Variants in IL4 observed in about 807,000 individuals in gnomAD.
The protein encoded by IL4 is interleukin 4, also known as interleukin-4.
Under a neutral mutation model 17.4 loss-of-function variants are expected in IL4, and 10 were observed. The observed-to-expected ratio is 0.57, with a 90% CI of 0.35 to 0.97. The LOEUF (loss-of-function observed/expected upper bound fraction) is 0.97. Among genes scored for constraint, IL4 ranks in the 50% least tolerant of loss-of-function variants. The probability of loss-of-function intolerance (pLI) is 0.01; values close to 1 mark genes in which losing one functional copy is unlikely to be tolerated. For synonymous variants in IL4, 87 were observed against 79.0 expected, an observed-to-expected ratio of 1.10 and a Z score of -0.54; for missense variants, 174 against 187.7, an observed-to-expected ratio of 0.93 and a Z score of 0.43.
rs770646815 is a variant in IL4 at position 132,674,133 on chromosome 5, A to C, written c.83A>C (p.Asp28Ala). The C allele has an allele frequency of 1.2e-6, 2 of 1,614,166 alleles. No individual in the cohort carries two copies. The highest frequency in any genetic ancestry group is 1.7e-6 in the Non-Finnish European group (2 of 1,180,004). Residue 28 changes from aspartate to alanine, a missense_variant, in exon 1 of 4, where the codon GAT becomes GCT. Transcript: ENST00000231449. ...AGNFVHGHKC[D>A]ITLQEIIKTL... ...AACTTTGTCCACGGACACAAGTGCG[A>C]TATCACCTTACAGGAGATCATCAAA...
chr5:132,676,314 T>C (rs1206001548), intron 2 of IL4, among the ~76,000 whole-genome samples: 3 of 152,178 alleles, frequency 2.0e-5, no homozygotes, highest in Non-Finnish European at 4.4e-5. Context: ...CAAAGTGTTA[T>C]TGTGAGATGA....
At chr5:132,678,208 C>T (rs1436012695) in intron 2 of IL4, among the ~76,000 whole-genome samples, 2 of 152,234 alleles carry the variant, frequency 1.3e-5, no homozygotes, top group African/African-American at 4.8e-5. Flanking sequence ...AAATCTGCCA[C>T]GATAGGGGCC....
chr5:132,674,300 C>A, intron 1 of IL4, 115 bp downstream of exon 1: 3 of 1,379,184 alleles, frequency 2.2e-6, no homozygotes, highest in Non-Finnish European at 2.0e-6. Context: ...TGGTGGCAGT[C>A]CAGGGCACAC....
chr5:132,676,759 G>C (rs1005046253), intron 2 of IL4, among the ~76,000 whole-genome samples: 2 of 152,206 alleles, frequency 1.3e-5, no homozygotes, highest in African/African-American at 4.8e-5. Context: ...CAGAGGAAAA[G>C]GTACTTCTTT....
intron 2 of IL4, among the ~76,000 whole-genome samples, chr5:132,678,638 T>C (rs965139999): frequency 6.6e-6 from 1 of 152,208 alleles, no homozygotes; most frequent in Admixed American, 6.5e-5. Flanking sequence ...TCTGTATTTC[T>C]AAGAAGCTCC....
Position 132,679,790 on chromosome 5 carries a change from C to T in IL4, c.260C>T (p.Thr87Ile), listed in dbSNP as rs1752450057. 6.2e-7 allele frequency: 1 copy of T among 1,614,118 alleles called. No individual in the cohort carries two copies. Among genetic ancestry groups the T allele is most frequent in the Non-Finnish European group, 8.5e-7 (1 of 1,179,992 alleles). Residue 87 changes from threonine (T) to isoleucine (I), a missense_variant, in exon 3 of 4, where the codon ACT becomes ATT. Physicochemically the swap from Thr to Ile is moderately conservative, Grantham distance 89 (BLOSUM62 -1). Transcript: ENST00000231449. Reference protein sequence around the residue: ...RQFYSHHEKDTRCLGATAQQF... With the variant: ...RQFYSHHEKDIRCLGATAQQF... ...TTCTACAGCCACCATGAGAAGGACA[C>T]TCGCTGCCTGGGTGCGACTGCACAG...
Position 132,679,703 on chromosome 5 carries a change from T to C in IL4, c.184-11T>C. Reference sequence around the variant, plus strand: ...CTGGCACATTGCTATCTGTGGCATTTGTCTTTCCAGAACACAACTGAGAAG... The same window carrying C: ...CTGGCACATTGCTATCTGTGGCATTCGTCTTTCCAGAACACAACTGAGAAG... On this transcript the variant is annotated splice_polypyrimidine_tract_variant and intron_variant, in intron 2 of 3. Transcript: ENST00000231449. The C allele has an allele frequency of 6.2e-7, 1 of 1,601,232 alleles. No homozygotes were observed. The highest frequency in any genetic ancestry group is 8.5e-7 in the Non-Finnish European group (1 of 1,172,396).
chr5:132,675,921 GTA>G (rs1390825856), intron 2 of IL4, among the ~76,000 whole-genome samples: 10 of 118,694 alleles, frequency 8.4e-5, no homozygotes, highest in African/African-American at 2.8e-4. Context: ...GTATATATGT[GTA>G]TGTATATGTG....
At chr5:132,674,374 GGAGT>G in intron 1 of IL4, 81 bp from the exon 2 acceptor site, 1 of 1,419,726 alleles carries the variant, frequency 7.0e-7, no homozygotes, top group Non-Finnish European at 9.9e-7. Context: ...TCAGTTGGAG[GGAGT>G]GAGAGCTGCT....
At chr5:132,676,051 G>C (rs1267823949) in intron 2 of IL4, among the ~76,000 whole-genome samples, 1 of 150,698 alleles carries the variant, frequency 6.6e-6, no homozygotes, top group Non-Finnish European at 1.5e-5. Context: ...CTGTGGCACT[G>C]CTGAGAAGGC....
intron 1 of IL4, 115 bp from the exon 2 acceptor site, chr5:132,674,344 A>C: frequency 7.4e-7 from 1 of 1,357,678 alleles, no homozygotes; most frequent in South Asian, 1.2e-5. Context: ...CTTTTTTCTG[A>C]GGGTTTGTAG....
chr5:132,675,589 C>T (rs537215417), intron 2 of IL4, among the ~76,000 whole-genome samples: 3 of 150,988 alleles, frequency 2.0e-5, no homozygotes, highest in African/African-American at 7.3e-5. Flanking sequence ...TGTTCTGTCA[C>T]CCAGGCTGGA....
chr5:132,676,051 G>A (rs1267823949), intron 2 of IL4, among the ~76,000 whole-genome samples: 1 of 150,698 alleles, frequency 6.6e-6, no homozygotes, highest in Non-Finnish European at 1.5e-5. Context: ...CTGTGGCACT[G>A]CTGAGAAGGC....
chr5:132,674,339 T>C lies in IL4; in HGVS notation c.136-120T>C, dbSNP rs1236979845. The C allele has an allele frequency of 2.2e-6, 3 of 1,356,140 alleles. No individual in the cohort carries two copies. The African/African-American group carries it at 4.3e-5, about 19-fold the overall frequency. 84.0% of individuals were successfully genotyped at this position (1,356,140 alleles called of 1,614,324 possible). ...GAGGCTTCTCCCCTGCCACTCTTTT[T>C]TCTGAGGGTTTGTAGGAAGTTTCCT... On this transcript the variant is annotated intron_variant, in intron 1 of 3. Coordinates refer to ENST00000231449, the MANE Select transcript of IL4 (RefSeq NM_000589.4).
chr5:132,675,841 AAC>A (rs1160731050), intron 2 of IL4, among the ~76,000 whole-genome samples: 2 of 133,802 alleles, frequency 1.5e-5, no homozygotes, highest in Admixed American at 7.7e-5. Context: ...GCACCTGGGC[AAC>A]AGTTTATGTG....
chr5:132,679,542 T>A (rs1752444007), intron 2 of IL4, among the ~76,000 whole-genome samples, 172 bp from the exon 3 acceptor site: 1 of 152,072 alleles, frequency 6.6e-6, no homozygotes. Context: ...TGACAGAGGT[T>A]TATGTCTGTG....
chr5:132,677,373 C>T (rs1166658171), intron 2 of IL4, among the ~76,000 whole-genome samples: 1 of 152,186 alleles, frequency 6.6e-6, no homozygotes, highest in Non-Finnish European at 1.5e-5. Flanking sequence ...TCCAAGTGCA[C>T]TCCCTGAGCC....
At chr5:132,677,039 C>T (rs921889831) in intron 2 of IL4, among the ~76,000 whole-genome samples, 9 of 152,184 alleles carry the variant, frequency 5.9e-5, no homozygotes, top group African/African-American at 2.2e-4. Flanking sequence ...GAGCTATTTC[C>T]TATTTACCAA....
intron 3 of IL4, among the ~76,000 whole-genome samples, chr5:132,681,423 G>T (rs932957981): frequency 6.6e-6 from 1 of 152,204 alleles, no homozygotes; most frequent in Admixed American, 6.5e-5. Flanking sequence ...TGATGTAAAT[G>T]GAGAGGCAGG....
Sources: allele counts gnomAD v4.1 joint callset (sites outside exome capture counted in the v4.1 genomes callset), GRCh38; gene constraint gnomAD v4.1.1; transcripts MANE v1.5; gene names NCBI Gene and HGNC (gene_info 2026-07-23, HGNC 2026-07-21).